TOGARAM2: variants seen among roughly 807,000 people sequenced by gnomAD.
The protein encoded by TOGARAM2 is TOG array regulator of axonemal microtubules protein 2.
A neutral mutation model predicts 93.3 loss-of-function variants in TOGARAM2; 85 were observed. The observed-to-expected ratio is 0.91, with a 90% CI of 0.76 to 1.09. The LOEUF (loss-of-function observed/expected upper bound fraction) is 1.09. TOGARAM2 is among the 50% of genes least tolerant of loss of function. TOGARAM2 has a pLI of 0.00. For missense variants in TOGARAM2, 1,277 were observed against 1,334.5 expected (o/e 0.96, Z 0.67); for synonymous variants, 593 against 552.8 (o/e 1.07, Z -1.02).
chr2:28,997,146 CA>C, intron 2 of TOGARAM2, among the ~76,000 whole-genome samples: 2 of 152,230 alleles, frequency 1.3e-5, no homozygotes, highest in South Asian at 4.1e-4. Context: ...TCTGTAGACA[CA>C]AGGAAACAGT....
At chr2:29,040,715 G>A (rs1385238870) in intron 18 of TOGARAM2, among the ~76,000 whole-genome samples, 1 of 152,218 alleles carries the variant, frequency 6.6e-6, no homozygotes. Context: ...AAAGTGCTAT[G>A]TAAATTGCAT....
At chr2:29,005,305 T>C (rs1417620008) in intron 6 of TOGARAM2, among the ~76,000 whole-genome samples, 1 of 70,782 alleles carries the variant, frequency 1.4e-5, no homozygotes, top group African/African-American at 4.0e-5. Context: ...CATGTGTGTG[T>C]GTGGGGTATG....
intron 14 of TOGARAM2, among the ~76,000 whole-genome samples, chr2:29,029,711 G>T (rs915041738): frequency 6.8e-6 from 1 of 147,892 alleles, no homozygotes; most frequent in Non-Finnish European, 1.5e-5. Context: ...AACCGAGATC[G>T]CGCCACTGCA....
At chr2:29,045,526 T>C in intron 19 of TOGARAM2, 116 bp downstream of exon 19, 1 of 887,526 alleles carries the variant, frequency 1.1e-6, no homozygotes. Flanking sequence ...CCCCCAATCA[T>C]TTAAAATTTT....
Position 28,999,148 on chromosome 2 carries a change from G to A in TOGARAM2, c.140-33G>A, listed in dbSNP as rs375413321. The A allele has an allele frequency of 3.9e-5, 62 of 1,575,120 alleles. 2 individuals are homozygous for A. In the South Asian group the frequency reaches 5.9e-4, roughly 15 times the overall value. ...TGCCTGGTGCCACCCTGGGTACTGC[G>A]TGCCAAGCCATTCACACCTCTGTCC... On this transcript the variant is annotated intron_variant, in intron 3 of 19. Coordinates refer to ENST00000379558, the MANE Select transcript of TOGARAM2 (RefSeq NM_199280.4).
At chr2:29,013,296 C>T (rs1056679132) in intron 7 of TOGARAM2, among the ~76,000 whole-genome samples, 1 of 152,202 alleles carries the variant, frequency 6.6e-6, no homozygotes, top group Non-Finnish European at 1.5e-5. Flanking sequence ...CAAGAGCATT[C>T]GAAGGTTACT....
At chr2:28,972,114 G>A (rs1671953316) in intron 1 of TOGARAM2, among the ~76,000 whole-genome samples, 1 of 151,792 alleles carries the variant, frequency 6.6e-6, no homozygotes, top group Non-Finnish European at 1.5e-5. Flanking sequence ...TTTGAGACAG[G>A]GTCTCACTCT....
intron 10 of TOGARAM2, 99 bp from the exon 11 acceptor site, chr2:29,022,059 G>T: frequency 6.6e-7 from 1 of 1,521,964 alleles, no homozygotes; most frequent in East Asian, 2.3e-5. Context: ...GCTCAGGGTG[G>T]TGGCACGGCC....
At chr2:28,985,474 C>A (rs1187106038) in intron 1 of TOGARAM2, among the ~76,000 whole-genome samples, 1 of 152,036 alleles carries the variant, frequency 6.6e-6, no homozygotes, top group Non-Finnish European at 1.5e-5. Context: ...AGGAAACTAG[C>A]TGACCTCCAA....
chr2:28,996,316 C>G (rs1672986704), intron 2 of TOGARAM2, among the ~76,000 whole-genome samples: 1 of 152,122 alleles, frequency 6.6e-6, no homozygotes, highest in African/African-American at 2.4e-5. Flanking sequence ...AGTCACCCTA[C>G]TATACTATCA....
At chr2:29,045,014 C>G (rs1163540792) in intron 18 of TOGARAM2, among the ~76,000 whole-genome samples, 1 of 152,146 alleles carries the variant, frequency 6.6e-6, no homozygotes, top group Non-Finnish European at 1.5e-5. Context: ...ACCTACCTAC[C>G]TACCTGTCTA....
At chr2:29,011,034 C>T (rs141831678) in intron 6 of TOGARAM2, among the ~76,000 whole-genome samples, 13 of 152,248 alleles carry the variant, frequency 8.5e-5, no homozygotes, top group East Asian at 5.8e-4. Flanking sequence ...TGAGCTCTCA[C>T]GGGGTTGGGG....
At chr2:29,029,783 C>T (rs900520478) in intron 14 of TOGARAM2, among the ~76,000 whole-genome samples, 6 of 146,712 alleles carry the variant, frequency 4.1e-5, no homozygotes, top group Admixed American at 2.1e-4. Flanking sequence ...ACATAATGGA[C>T]TTTAGGGACT....
Position 29,017,800 on chromosome 2 carries a change from C to T in TOGARAM2, c.1204C>T (p.Pro402Ser), listed in dbSNP as rs767132742. 1 of 1,608,786 alleles carries T rather than the reference C, an allele frequency of 6.2e-7. No homozygotes were observed. The highest frequency in any genetic ancestry group is 1.1e-5 in the South Asian group (1 of 90,498). ...TTTCTCTGTGTCCACAGGCCTCCTTCCCCTCCGGGGCAGCGGGACACTGTC... is the reference window on the plus strand; with the variant it reads ...TTTCTCTGTGTCCACAGGCCTCCTTTCCCTCCGGGGCAGCGGGACACTGTC... ...QRAFMKEGLL[P>S]LRGSGTLSVP... Residue 402 changes from proline (P) to serine (S), a missense_variant, in exon 10 of 20, where the codon CCC (proline) becomes TCC (serine). Pro to Ser is a moderately conservative substitution (Grantham distance 74). Transcript: ENST00000379558.
In TOGARAM2 at chr2:29,022,193, C is replaced by T; in HGVS notation, c.1396C>T (p.Pro466Ser). ...ACCTGCGGTGCTCACGTTGGGGTCTCCTGAATGGGAAGAAGAGGAGGAGAT... is the reference window on the plus strand; with the variant it reads ...ACCTGCGGTGCTCACGTTGGGGTCTTCTGAATGGGAAGAAGAGGAGGAGAT... ...SLPAVLTLGS[P>S]EWEEEEEMDL... Residue 466 changes from proline (P) to serine (S), a missense_variant, in exon 11 of 20, where the codon CCT becomes TCT. Physicochemically the swap from Pro to Ser is moderately conservative, Grantham distance 74. Coordinates refer to ENST00000379558, the MANE Select transcript of TOGARAM2 (RefSeq NM_199280.4). 1 of 1,614,012 alleles carries T rather than the reference C, an allele frequency of 6.2e-7. No homozygotes were observed. The highest frequency in any genetic ancestry group is 8.5e-7 in the Non-Finnish European group (1 of 1,179,886).
In TOGARAM2 at chr2:29,002,891, A is replaced by G. The variant is rs532148074; in HGVS notation, c.639+144A>G. 4.7e-5 allele frequency: 35 copies of G among 752,340 alleles called. No homozygotes were observed. The African/African-American group carries it at 5.8e-4, about 12-fold the overall frequency. 46.6% of individuals were successfully genotyped at this position (752,340 alleles called of 1,614,324 possible). On this transcript the variant is annotated intron_variant, in intron 5 of 19. Transcript: ENST00000379558. ...CTTGAGGTCTGCAGTGAGGATAGGG[A>G]CAGCACTGGGAGAGGCTCAAGGTGC... is the stretch of plus-strand genomic sequence containing the variant.
At chr2:28,977,732 G>A (rs1354336198), upstream of TOGARAM2, among the ~76,000 whole-genome samples, 1 of 152,134 alleles carries the variant, frequency 6.6e-6, no homozygotes. Context: ...CTGGCTGGTG[G>A]GCCAGGAGAG....
chr2:28,991,105 G>A (rs1429016976), intron 1 of TOGARAM2, among the ~76,000 whole-genome samples: 2 of 150,984 alleles, frequency 1.3e-5, no homozygotes, highest in East Asian at 2.0e-4. Context: ...ACTATATGCC[G>A]GCAATAGGAC....
At chr2:29,030,665 G>A (rs561444191) in intron 14 of TOGARAM2, among the ~76,000 whole-genome samples, 1 of 152,188 alleles carries the variant, frequency 6.6e-6, no homozygotes, top group African/African-American at 2.4e-5. Context: ...TGTACTCCGG[G>A]GATTCTCCTT....
Sources: allele counts gnomAD v4.1 joint callset (sites outside exome capture counted in the v4.1 genomes callset), GRCh38; gene constraint gnomAD v4.1.1; transcripts MANE v1.5; gene names NCBI Gene and HGNC (gene_info 2026-07-23, HGNC 2026-07-21).